The following TENM3 variants were observed in gnomAD, a reference collection of about 807,000 sequenced individuals.
TENM3 encodes teneurin transmembrane protein 3.
A neutral mutation model predicts 255.1 loss-of-function variants in TENM3; 63 were observed. The ratio of observed to expected loss-of-function variants is 0.25; its 90% CI spans 0.20 to 0.30. TENM3 has a LOEUF of 0.30. Ranked by LOEUF, TENM3 falls within the 10% of genes least tolerant of loss-of-function variation. The pLI, the probability that TENM3 is intolerant of heterozygous loss-of-function variation, is 1.00. For missense variants in TENM3, 2,929 were observed against 3,461.1 expected, an observed-to-expected ratio of 0.85 and a Z score of 3.86; for synonymous variants, 1,306 against 1,322.3, an observed-to-expected ratio of 0.99 and a Z score of 0.27.
the TENM3 span, among the ~76,000 whole-genome samples, chr4:181,468,301 A>G: frequency 3.9e-5 from 6 of 152,136 alleles, no homozygotes; most frequent in African/African-American, 1.4e-4. Context: ...ATTAAAAATA[A>G]ATAACCAAAA....
chr4:181,984,654 G>A, the TENM3 span, among the ~76,000 whole-genome samples: 2 of 151,974 alleles, frequency 1.3e-5, no homozygotes, highest in Admixed American at 1.3e-4. Flanking sequence ...ATGTTCCAAA[G>A]CAAAGTAATC....
intron 3 of TENM3, among the ~76,000 whole-genome samples, chr4:182,423,823 A>T (rs1332032670): frequency 6.6e-6 from 1 of 152,220 alleles, no homozygotes; most frequent in African/African-American, 2.4e-5. Context: ...AGGCATGAGA[A>T]AATATATTTA....
chr4:181,492,919 A>G, the TENM3 span, among the ~76,000 whole-genome samples: 6 of 152,184 alleles, frequency 3.9e-5, no homozygotes, highest in Admixed American at 6.5e-5. Context: ...TATATTGGCC[A>G]TAGTAAATAA....
intron 3 of TENM3, among the ~76,000 whole-genome samples, chr4:182,352,515 A>T (rs1182526880): frequency 6.6e-6 from 1 of 152,112 alleles, no homozygotes; most frequent in Admixed American, 6.5e-5. Flanking sequence ...TTTCTCACCT[A>T]AGTTTGAGCA....
chr4:181,637,357 C>G, the TENM3 span, among the ~76,000 whole-genome samples: 1 of 152,206 alleles, frequency 6.6e-6, no homozygotes, highest in African/African-American at 2.4e-5. Context: ...CCCAGCAACT[C>G]CGGGCTGTGG....
the TENM3 span, among the ~76,000 whole-genome samples, chr4:181,794,468 C>T: frequency 6.6e-6 from 1 of 152,156 alleles, no homozygotes; most frequent in Non-Finnish European, 1.5e-5. Flanking sequence ...CAGCCCCTGG[C>T]AACCGCCCTT....
chr4:182,564,576 G>GT (rs1248449518), intron 3 of TENM3, among the ~76,000 whole-genome samples: 8 of 126,940 alleles, frequency 6.3e-5, no homozygotes, highest in African/African-American at 2.1e-4. Flanking sequence ...TTTTGTTTTT[G>GT]TTTTGTTTTT....
the TENM3 span, among the ~76,000 whole-genome samples, chr4:181,770,800 T>C: frequency 6.6e-6 from 1 of 152,232 alleles, no homozygotes; most frequent in East Asian, 1.9e-4. Context: ...CTATCTATGA[T>C]ATGTATGTTA....
the TENM3 span, among the ~76,000 whole-genome samples, chr4:181,611,014 T>C: frequency 6.6e-6 from 1 of 152,242 alleles, no homozygotes; most frequent in African/African-American, 2.4e-5. Context: ...CCAATGATTT[T>C]AGCCAAATTA....
the TENM3 span, among the ~76,000 whole-genome samples, chr4:182,070,966 A>G: frequency 5.9e-5 from 9 of 152,162 alleles, no homozygotes; most frequent in Admixed American, 3.9e-4. Flanking sequence ...GACTCCTTTT[A>G]CCTCCATTCC....
At chr4:181,886,034 G>A in the TENM3 span, among the ~76,000 whole-genome samples, 2 of 145,512 alleles carry the variant, frequency 1.4e-5, no homozygotes, top group African/African-American at 2.5e-5. Context: ...TTTTTTCGCT[G>A]TGGTTTTTCT....
At chr4:182,744,126 T>TA in intron 19 of TENM3, 3 of 936,004 alleles carry the variant, frequency 3.2e-6, no homozygotes, top group Non-Finnish European at 3.9e-6. Context: ...TACCTTTTTT[T>TA]ATCTGCTTCC....
chr4:182,615,151 G>T (rs981873697), intron 4 of TENM3, among the ~76,000 whole-genome samples: 1 of 149,158 alleles, frequency 6.7e-6, no homozygotes, highest in South Asian at 2.1e-4. Flanking sequence ...GTGCTTACAC[G>T]TTACATTTAA....
chr4:181,553,658 G>C, the TENM3 span, among the ~76,000 whole-genome samples: 1 of 151,936 alleles, frequency 6.6e-6, no homozygotes, highest in Non-Finnish European at 1.5e-5. Flanking sequence ...AGCCAGGATG[G>C]TCTCGATCTC....
the TENM3 span, among the ~76,000 whole-genome samples, chr4:182,107,151 TACAC>T: frequency 0.24 from 35,392 of 145,858 alleles, 4,163 homozygotes; most frequent in Middle Eastern, 0.36. Context: ...AAACAGAACA[TACAC>T]ACACACACAC....
chr4:181,883,242 A>C, the TENM3 span, among the ~76,000 whole-genome samples: 1 of 150,986 alleles, frequency 6.6e-6, no homozygotes, highest in Admixed American at 6.7e-5. Flanking sequence ...AGACCAAGGA[A>C]CTAATACCAA....
At chr4:182,461,780 T>C (rs1029697033) in intron 3 of TENM3, among the ~76,000 whole-genome samples, 1 of 152,202 alleles carries the variant, frequency 6.6e-6, no homozygotes, top group African/African-American at 2.4e-5. Flanking sequence ...TGCCTGGCAC[T>C]GGTTGATGCT....
chr4:181,891,925 T>C, the TENM3 span, among the ~76,000 whole-genome samples: 1 of 152,122 alleles, frequency 6.6e-6, no homozygotes, highest in Non-Finnish European at 1.5e-5. Flanking sequence ...TCCTTCCTCA[T>C]GTATTGGATT....
At chr4:182,131,156 G>C in the TENM3 span, among the ~76,000 whole-genome samples, 47 of 152,244 alleles carry the variant, frequency 3.1e-4, 1 homozygote, top group South Asian at 9.5e-3. Flanking sequence ...AATGTAGTGG[G>C]GGAGGTTGGG....
Sources: gnomAD v4.1 joint callset for allele counts (sites outside exome capture counted in the v4.1 genomes callset) on GRCh38, gnomAD v4.1.1 for gene constraint, MANE v1.5 for transcripts, NCBI Gene and HGNC (gene_info 2026-07-23, HGNC 2026-07-21) for gene names.